CHL1: variants seen among roughly 807,000 people sequenced by gnomAD.
CHL1 encodes the protein cell adhesion molecule L1 like.
Under a neutral mutation model 141.9 loss-of-function variants are expected in CHL1, and 96 were observed. That is an observed-to-expected ratio of 0.68 (90% confidence interval 0.57 to 0.80). CHL1 has a LOEUF of 0.80. CHL1 is among the 30% of genes least tolerant of loss of function. The pLI is 0.00. For synonymous variants in CHL1, 613 were observed against 502.2 expected, an observed-to-expected ratio of 1.22 and a Z score of -2.95; for missense variants, 1,820 against 1,457.2, an observed-to-expected ratio of 1.25 and a Z score of -4.05.
chr3:328,465 T>G, intron 5 of CHL1, 111 bp downstream of exon 5: 1 of 868,092 alleles, frequency 1.2e-6, no homozygotes, highest in Non-Finnish European at 1.7e-6. Context: ...TCAACTTATA[T>G]GTGTCTTGTA....
chr3:202,746 C>T (rs1699071638), intron 1 of CHL1, among the ~76,000 whole-genome samples: 1 of 152,336 alleles, frequency 6.6e-6, no homozygotes, highest in East Asian at 1.9e-4. Context: ...TGGCAAACTT[C>T]TGAGGTTTTT....
intron 5 of CHL1, among the ~76,000 whole-genome samples, chr3:331,106 A>G (rs1701401340): frequency 6.6e-6 from 1 of 152,230 alleles, no homozygotes; most frequent in African/African-American, 2.4e-5. Flanking sequence ...AGTGAAAGGA[A>G]AAAATGTTTT....
intron 26 of CHL1, among the ~76,000 whole-genome samples, chr3:400,644 TAAG>T: frequency 6.7e-6 from 1 of 148,796 alleles, no homozygotes; most frequent in Admixed American, 6.8e-5. Flanking sequence ...ATTCCACTAA[TAAG>T]AGAAATCAGC....
intron 1 of CHL1, among the ~76,000 whole-genome samples, chr3:208,526 T>C (rs1699632416): frequency 1.4e-5 from 2 of 147,714 alleles, no homozygotes; most frequent in African/African-American, 5.4e-5. Flanking sequence ...GAGCTACACT[T>C]TTGTTTCTGT....
At chr3:270,994 T>C (rs556814436) in intron 2 of CHL1, among the ~76,000 whole-genome samples, 3 of 152,224 alleles carry the variant, frequency 2.0e-5, no homozygotes, top group Non-Finnish European at 4.4e-5. Flanking sequence ...GTTACAAGTA[T>C]ATCATTAAGA....
chr3:281,901 C>T (rs140650591), intron 2 of CHL1, among the ~76,000 whole-genome samples: 79 of 152,176 alleles, frequency 5.2e-4, no homozygotes, highest in African/African-American at 1.9e-3. Context: ...TTGTAAATAC[C>T]TTTGAATATA....
At chr3:367,031 A>G (rs1033019055) in intron 15 of CHL1, among the ~76,000 whole-genome samples, 6 of 152,204 alleles carry the variant, frequency 3.9e-5, no homozygotes, top group Admixed American at 3.3e-4. Context: ...AGTCTTCCAA[A>G]CTCTGTATAG....
rs1691916701 is a variant in CHL1, at chr3:235,837, A to G, written c.-174-8776A>G. ...TGTTTCAAACATGATTTCTTTCGGT[A>G]TACTATCTTTGACAGTAGTGAGAAA... On this transcript the variant is annotated intron_variant, in intron 1 of 27. Transcript: ENST00000256509. Among the ~76,000 whole-genome samples, 3 of 152,180 alleles carry G rather than the reference A, an allele frequency of 2.0e-5. No homozygotes were observed. In the South Asian group the frequency reaches 6.2e-4, roughly 31 times the overall value.
At chr3:382,383 C>T (rs868816156) in intron 17 of CHL1, 91 bp from the exon 18 acceptor site, 2 of 1,460,474 alleles carry the variant, frequency 1.4e-6, no homozygotes, top group South Asian at 2.3e-5. Flanking sequence ...CTTATAACAT[C>T]CTTTTGAACT....
intron 23 of CHL1, among the ~76,000 whole-genome samples, chr3:393,123 C>G (rs11713232): frequency 0.86 from 129,670 of 151,520 alleles, 58,386 homozygotes; most frequent in East Asian, 1. Flanking sequence ...GTCCCAGCTA[C>G]TCGGGCGGCT....
chr3:317,798 C>G (rs561608468), intron 2 of CHL1, among the ~76,000 whole-genome samples: 14 of 151,856 alleles, frequency 9.2e-5, no homozygotes, highest in South Asian at 4.1e-4. Flanking sequence ...GTAGTTAAGG[C>G]AGTATTTTGC....
Position 406,313 on chromosome 3 carries a change from T to G in CHL1, c.*602T>G, listed in dbSNP as rs1709528148. 6.6e-6 allele frequency: 1 copy of G among 152,138 alleles called. No individual in the cohort carries two copies. Among genetic ancestry groups the G allele is most frequent in the South Asian group, 2.1e-4 (1 of 4,828 alleles). The allele number at this position is 152,138 out of a possible 1,614,324, so 9.4% of individuals were successfully genotyped here. On this transcript the variant is annotated 3_prime_UTR_variant, in exon 28 of 28. Coordinates refer to ENST00000256509, the MANE Select transcript of CHL1 (RefSeq NM_006614.4). ...CTATTTGCCCAGAGATGGTCATATT[T>G]AAACAGAAGTATACGTTTTTCAGTT...
chr3:353,402 A>T (rs1703433740), intron 10 of CHL1, among the ~76,000 whole-genome samples: 1 of 152,208 alleles, frequency 6.6e-6, no homozygotes, highest in African/African-American at 2.4e-5. Context: ...GACAAAAATA[A>T]ACCTTCACCT....
intron 26 of CHL1, among the ~76,000 whole-genome samples, chr3:399,635 C>T (rs560735158): frequency 5.6e-4 from 85 of 152,062 alleles, no homozygotes; most frequent in African/African-American, 1.9e-3. Flanking sequence ...AGCAAAAACT[C>T]CATCTCAAAA....
chr3:203,726 A>G (rs1439878720), intron 1 of CHL1, among the ~76,000 whole-genome samples: 1 of 152,224 alleles, frequency 6.6e-6, no homozygotes, highest in African/African-American at 2.4e-5. Flanking sequence ...CTACTGTCAA[A>G]TCACAAGACA....
chr3:274,822 A>T (rs1695947677), intron 2 of CHL1, among the ~76,000 whole-genome samples: 1 of 152,134 alleles, frequency 6.6e-6, no homozygotes, highest in African/African-American at 2.4e-5. Flanking sequence ...GACTTACCCA[A>T]TTCCTAGTGT....
chr3:400,424 G>A (rs1423317548), intron 26 of CHL1, among the ~76,000 whole-genome samples: 1 of 152,060 alleles, frequency 6.6e-6, no homozygotes, highest in African/African-American at 2.4e-5. Flanking sequence ...ATAATCATTT[G>A]TGTATTGTGG....
In CHL1 at chr3:233,782, A is replaced by T. The variant is rs185649214; in HGVS notation, c.-174-10831A>T. 1.2e-4 allele frequency among the ~76,000 whole-genome samples: 19 copies of T among 152,216 alleles called. 1 individual carries two copies. The highest frequency in any genetic ancestry group is 3.3e-4 in the Admixed American group (5 of 15,286). ...TTAAAATTATAAACTTTTCTAATAC[A>T]TAACTATATTCTACATATTTAATTA... On this transcript the variant is annotated intron_variant, in intron 1 of 27. Coordinates refer to ENST00000256509, the MANE Select transcript of CHL1 (RefSeq NM_006614.4).
intron 3 of CHL1, among the ~76,000 whole-genome samples, chr3:322,660 A>ATTT (rs1700683322): frequency 1.4e-5 from 2 of 141,222 alleles, no homozygotes; most frequent in African/African-American, 5.3e-5. Context: ...ATATATATAT[A>ATTT]TATATATATA....
Sources: allele counts gnomAD v4.1 joint callset (sites outside exome capture counted in the v4.1 genomes callset), GRCh38; gene constraint gnomAD v4.1.1; transcripts MANE v1.5; gene names NCBI Gene and HGNC (gene_info 2026-07-23, HGNC 2026-07-21).